RAB11FIP4: variants seen among roughly 807,000 people sequenced by gnomAD.
The protein encoded by RAB11FIP4 is RAB11 family interacting protein 4, also known as rab11 family-interacting protein 4.
Under a neutral mutation model 74.3 loss-of-function variants are expected in RAB11FIP4, and 23 were observed. That is an observed-to-expected ratio of 0.31 (90% confidence interval 0.22 to 0.44). RAB11FIP4 has a LOEUF of 0.44. Ranked by LOEUF, RAB11FIP4 falls within the 20% of genes least tolerant of loss-of-function variation. RAB11FIP4 has a pLI of 1.00. For missense variants in RAB11FIP4, 630 were observed against 863.9 expected, an observed-to-expected ratio of 0.73 and a Z score of 3.39; for synonymous variants, 360 against 359.9, an observed-to-expected ratio of 1.00 and a Z score of 0.00.
intron 3 of RAB11FIP4, among the ~76,000 whole-genome samples, chr17:31,462,750 C>T (rs2071645260): frequency 6.6e-6 from 1 of 152,136 alleles, no homozygotes; most frequent in Admixed American, 6.6e-5. Flanking sequence ...GATTCTCCTG[C>T]CTCAGCTTCC....
At chr17:31,401,145 G>A (rs987573240) in intron 1 of RAB11FIP4, among the ~76,000 whole-genome samples, 2 of 152,248 alleles carry the variant, frequency 1.3e-5, no homozygotes, top group East Asian at 1.9e-4. Context: ...GGTGGTGGGC[G>A]ACTGTAGTCC....
intron 5 of RAB11FIP4, 96 bp downstream of exon 5, chr17:31,521,456 C>A: frequency 1.8e-6 from 2 of 1,117,374 alleles, no homozygotes; most frequent in Non-Finnish European, 2.5e-6. Context: ...CCTGAGCTGG[C>A]CCTTTTCCTT....
intron 3 of RAB11FIP4, among the ~76,000 whole-genome samples, chr17:31,501,371 A>G (rs2072218191): frequency 6.6e-6 from 1 of 152,174 alleles, no homozygotes; most frequent in Non-Finnish European, 1.5e-5. Context: ...CTCACCTACC[A>G]AACACCATAG....
intron 3 of RAB11FIP4, among the ~76,000 whole-genome samples, chr17:31,438,718 C>T (rs1297755889): frequency 6.6e-6 from 1 of 152,194 alleles, no homozygotes; most frequent in Non-Finnish European, 1.5e-5. Flanking sequence ...CTCCCCGTTT[C>T]CTGAGAAAGC....
rs150361237 is a variant in RAB11FIP4 at position 31,532,269 on chromosome 17, C to CTG, written c.*538_*539dup. The CTG allele has an allele frequency of 8.6e-4, 135 of 156,246 alleles. No individual in the cohort carries two copies. The East Asian group carries it at 0.021, about 24-fold the overall frequency. 9.7% of individuals were successfully genotyped at this position (156,246 alleles called of 1,614,324 possible). On this transcript the variant is annotated 3_prime_UTR_variant, in exon 15 of 15. Coordinates refer to ENST00000621161, the MANE Select transcript of RAB11FIP4 (RefSeq NM_032932.6). ...AAGCTCAGAGAGGATGAAGGGGCAT[C>CTG]TGGAGGGTCCATGAGATGGGGCCCT...
At position 31,494,060 on chromosome 17, in the gene RAB11FIP4, G is replaced by T. The variant is rs1412889570; in HGVS notation, c.337-23591G>T. Among the ~76,000 whole-genome samples the T allele has an allele frequency of 9.2e-5, 14 of 152,120 alleles. 1 individual carries two copies. The highest frequency in any genetic ancestry group is 9.2e-4 in the Admixed American group (14 of 15,276). ...ATAGCACCTGCCTCGCAGGGTGATG[G>T]TGAAAATAAAATGAGCCATGGTGAT... On this transcript the variant is annotated intron_variant, in intron 3 of 14. Coordinates refer to ENST00000621161, the MANE Select transcript of RAB11FIP4 (RefSeq NM_032932.6).
chr17:31,475,046 CAT>C (rs551014960), intron 3 of RAB11FIP4, among the ~76,000 whole-genome samples: 169 of 152,094 alleles, frequency 1.1e-3, no homozygotes, highest in African/African-American at 3.9e-3. Flanking sequence ...GAGAGGAACT[CAT>C]AGAGAAGGAG....
At chr17:31,400,527 C>CT (rs1324911266) in intron 1 of RAB11FIP4, among the ~76,000 whole-genome samples, 1 of 152,204 alleles carries the variant, frequency 6.6e-6, no homozygotes, top group Non-Finnish European at 1.5e-5. Context: ...ACCCTGGCTG[C>CT]TGTGTGGCTC....
At chr17:31,437,960 C>T (rs1044213694) in intron 3 of RAB11FIP4, among the ~76,000 whole-genome samples, 1 of 152,164 alleles carries the variant, frequency 6.6e-6, no homozygotes, top group South Asian at 2.1e-4. Context: ...CCTGCGAGAC[C>T]CTGGCAGAGG....
chr17:31,462,856 G>A (rs940891256), intron 3 of RAB11FIP4, among the ~76,000 whole-genome samples: 3 of 152,032 alleles, frequency 2.0e-5, no homozygotes, highest in Admixed American at 6.6e-5. Flanking sequence ...GACTGGTCTC[G>A]AACTCCTGAC....
intron 1 of RAB11FIP4, among the ~76,000 whole-genome samples, chr17:31,411,153 A>G (rs7406950): frequency 0.84 from 128,090 of 152,146 alleles, 54,090 homozygotes; most frequent in African/African-American, 0.88. Flanking sequence ...TCCAAGGTCA[A>G]CAGATCGAGA....
At chr17:31,451,572 C>T (rs892494316) in intron 3 of RAB11FIP4, among the ~76,000 whole-genome samples, 6 of 152,038 alleles carry the variant, frequency 3.9e-5, no homozygotes, top group Non-Finnish European at 8.8e-5. Flanking sequence ...GAAGGTTTCA[C>T]TTTTGCCTGA....
intron 3 of RAB11FIP4, among the ~76,000 whole-genome samples, chr17:31,439,772 A>T (rs989741611): frequency 1.3e-5 from 2 of 152,058 alleles, no homozygotes; most frequent in South Asian, 2.1e-4. Context: ...CACCACATCC[A>T]GCTAATTTTT....
intron 3 of RAB11FIP4, among the ~76,000 whole-genome samples, chr17:31,471,559 G>A (rs1334809385): frequency 6.6e-6 from 1 of 152,210 alleles, no homozygotes; most frequent in Admixed American, 6.5e-5. Context: ...AGGCTCAGCT[G>A]TCAAGCAGGT....
chr17:31,506,721 T>G (rs2142784508), intron 3 of RAB11FIP4, among the ~76,000 whole-genome samples: 1 of 152,342 alleles, frequency 6.6e-6, no homozygotes, highest in East Asian at 1.9e-4. Flanking sequence ...ATTTTATTCT[T>G]TTTTATGGCT....
chr17:31,453,013 G>T (rs2071540479), intron 3 of RAB11FIP4, among the ~76,000 whole-genome samples: 1 of 152,098 alleles, frequency 6.6e-6, no homozygotes, highest in Non-Finnish European at 1.5e-5. Context: ...AGGAGTACAG[G>T]TATAGGCCTA....
chr17:31,449,438 C>T (rs2071503172), intron 3 of RAB11FIP4, among the ~76,000 whole-genome samples: 1 of 152,186 alleles, frequency 6.6e-6, no homozygotes, highest in Non-Finnish European at 1.5e-5. Context: ...GGTCTATTTC[C>T]TCCAAAGACT....
intron 3 of RAB11FIP4, among the ~76,000 whole-genome samples, chr17:31,453,278 G>A (rs971172219): frequency 2.7e-5 from 4 of 147,002 alleles, no homozygotes; most frequent in African/African-American, 1.0e-4. Context: ...TTGAGCCTAG[G>A]AGGTTGAGGC....
At chr17:31,524,761 G>A (rs758862967) in intron 9 of RAB11FIP4, 69 of 362,624 alleles carry the variant, frequency 1.9e-4, no homozygotes, top group Middle Eastern at 7.6e-4. Context: ...AGGGGTGGCC[G>A]GGAAGGAACA....
Sources: allele counts gnomAD v4.1 joint callset (sites outside exome capture counted in the v4.1 genomes callset), GRCh38; gene constraint gnomAD v4.1.1; transcripts MANE v1.5; gene names NCBI Gene and HGNC (gene_info 2026-07-23, HGNC 2026-07-21).